The following ANTXR2 variants were observed in gnomAD, a reference collection of about 807,000 sequenced individuals.
ANTXR2 encodes the protein anthrax toxin receptor 2.
Under a neutral mutation model 73.7 loss-of-function variants are expected in ANTXR2, and 44 were observed. The observed-to-expected ratio is 0.60, with a 90% CI of 0.47 to 0.77. The LOEUF is 0.77. ANTXR2 is among the 30% of genes least tolerant of loss of function. The pLI, the probability that ANTXR2 is intolerant of heterozygous loss-of-function variation, is 0.00. For missense variants in ANTXR2, 604 were observed against 592.5 expected (o/e 1.02, Z -0.20); for synonymous variants, 217 against 205.9 (o/e 1.05, Z -0.46).
chr4:79,962,487 T>C (rs111463033), intron 16 of ANTXR2, among the ~76,000 whole-genome samples: 3 of 152,186 alleles, frequency 2.0e-5, no homozygotes, highest in Non-Finnish European at 4.4e-5. Context: ...AAAGATAATA[T>C]AAAGAGCGGA....
At chr4:80,041,380 T>A (rs1002462955) in intron 7 of ANTXR2, among the ~76,000 whole-genome samples, 11 of 152,220 alleles carry the variant, frequency 7.2e-5, no homozygotes, top group Non-Finnish European at 1.3e-4. Context: ...AAATCTGGCT[T>A]ATTCCTTATC....
chr4:80,036,012 A>G lies in ANTXR2; in HGVS notation c.657T>C (p.Thr219=). Residue 219 remains threonine, a synonymous_variant, in exon 8 of 17, where the codon ACT becomes ACC. Transcript: ENST00000403729. ...IINSILAQSC[T]EILELQPSSV... The stretch of plus-strand genomic sequence containing the variant: ...TTGAGGGCTGCAATTCTAGGATTTC[A>G]GTACATGACTGAGCTAGTATCTAAA... 11 of 1,530,058 alleles carry G rather than the reference A, an allele frequency of 7.2e-6. No homozygotes were observed. The highest frequency in any genetic ancestry group is 9.6e-6 in the Non-Finnish European group (11 of 1,141,508). 94.8% of individuals were successfully genotyped at this position (1,530,058 alleles called of 1,614,324 possible).
intron 10 of ANTXR2, among the ~76,000 whole-genome samples, chr4:80,025,441 G>A (rs558709370): frequency 2.0e-5 from 3 of 152,076 alleles, no homozygotes; most frequent in Non-Finnish European, 4.4e-5. Context: ...ATAAAAGATT[G>A]TCATTTTATG....
intron 12 of ANTXR2, among the ~76,000 whole-genome samples, chr4:80,000,775 T>C (rs1730990889): frequency 6.6e-6 from 1 of 152,098 alleles, no homozygotes; most frequent in Non-Finnish European, 1.5e-5. Context: ...CAGGTAAACG[T>C]CATAGTTTCA....
intron 16 of ANTXR2, chr4:79,964,938 A>G (rs1375543384): frequency 6.6e-6 from 1 of 152,212 alleles, no homozygotes; most frequent in East Asian, 1.9e-4. Context: ...ACCTCTGCGG[A>G]AGCTGGCGCG....
chr4:80,016,899 C>T (rs1176128183), intron 11 of ANTXR2, among the ~76,000 whole-genome samples: 1 of 152,256 alleles, frequency 6.6e-6, no homozygotes, highest in African/African-American at 2.4e-5. Context: ...CTCACCATCT[C>T]CAATTTGATC....
At chr4:80,008,227 T>C (rs1333296315) in intron 12 of ANTXR2, among the ~76,000 whole-genome samples, 2 of 152,204 alleles carry the variant, frequency 1.3e-5, no homozygotes, top group African/African-American at 4.8e-5. Context: ...TTCAATTTAC[T>C]TGAATTTCTC....
chr4:79,926,363 C>G (rs1349244834), intron 16 of ANTXR2, among the ~76,000 whole-genome samples: 2 of 152,066 alleles, frequency 1.3e-5, no homozygotes, highest in African/African-American at 4.8e-5. Flanking sequence ...TGTCAGAAGG[C>G]TCTAGCTCTA....
intron 16 of ANTXR2, among the ~76,000 whole-genome samples, chr4:79,913,589 T>G (rs1036478721): frequency 6.6e-6 from 1 of 152,212 alleles, no homozygotes; most frequent in South Asian, 2.1e-4. Flanking sequence ...AATTTCTCTA[T>G]GCAATTAACA....
chr4:79,991,713 A>G (rs866643922), intron 12 of ANTXR2, among the ~76,000 whole-genome samples: 6 of 152,126 alleles, frequency 3.9e-5, no homozygotes, highest in Non-Finnish European at 7.4e-5. Context: ...ATGCCCATCA[A>G]TGATGGACTG....
chr4:79,912,153 A>T (rs1308150788), intron 16 of ANTXR2, among the ~76,000 whole-genome samples: 1 of 151,928 alleles, frequency 6.6e-6, no homozygotes, highest in African/African-American at 2.4e-5. Flanking sequence ...AATTTATTAA[A>T]TATTTATAAA....
rs1016241695 is a variant in ANTXR2, at chr4:79,994,204, T to A, written c.1042-9341A>T. Among the ~76,000 whole-genome samples, 36 of 152,018 alleles carry A rather than the reference T, an allele frequency of 2.4e-4. 1 individual carries two copies. Among genetic ancestry groups the A allele is most frequent in the Admixed American group, 2.4e-3 (36 of 15,224 alleles). On this transcript the variant is annotated intron_variant, in intron 12 of 16. Transcript: ENST00000403729. ...ATTAGACATCTAACTTATTTCTCTA[T>A]CTCCAATTGATTCCCCATTTTAACC...
At chr4:80,041,390 C>A (rs1733240686) in intron 7 of ANTXR2, among the ~76,000 whole-genome samples, 1 of 152,032 alleles carries the variant, frequency 6.6e-6, no homozygotes, top group South Asian at 2.1e-4. Context: ...TATTCCTTAT[C>A]CTCGAAAGTA....
At chr4:79,944,615 G>A (rs1256432528) in intron 16 of ANTXR2, among the ~76,000 whole-genome samples, 1 of 151,990 alleles carries the variant, frequency 6.6e-6, no homozygotes, top group Non-Finnish European at 1.5e-5. Context: ...CCTATACTAT[G>A]CTTGTCACAA....
intron 7 of ANTXR2, 31 bp downstream of exon 7, chr4:80,054,241 G>C (rs767450067): frequency 1.3e-6 from 2 of 1,516,214 alleles, no homozygotes; most frequent in South Asian, 2.4e-5. Flanking sequence ...ACAAGGTTAT[G>C]AGCCCTTCCT....
chr4:80,028,660 G>C (rs12509837), intron 10 of ANTXR2, among the ~76,000 whole-genome samples: 57,772 of 151,978 alleles, frequency 0.38, 12,557 homozygotes, highest in Non-Finnish European at 0.47. Flanking sequence ...TCATTGTTGG[G>C]CCAGATGTGT....
chr4:79,922,654 T>G (rs1727635914), intron 16 of ANTXR2, among the ~76,000 whole-genome samples: 1 of 152,110 alleles, frequency 6.6e-6, no homozygotes, highest in Non-Finnish European at 1.5e-5. Flanking sequence ...GTTTGCTTCT[T>G]GATCCAGAGA....
chr4:79,990,383 CAA>C (rs70944757), intron 12 of ANTXR2, among the ~76,000 whole-genome samples: 4 of 76,926 alleles, frequency 5.2e-5, no homozygotes, highest in African/African-American at 1.9e-4. Context: ...ACAACAGTTA[CAA>C]AAAAAAAAAA....
intron 8 of ANTXR2, among the ~76,000 whole-genome samples, chr4:80,035,559 T>C (rs1732913755): frequency 1.3e-5 from 2 of 152,134 alleles, no homozygotes; most frequent in African/African-American, 2.4e-5. Flanking sequence ...AATCCGTCCA[T>C]AAGTCACTTC....
Sources: allele counts gnomAD v4.1 joint callset (sites outside exome capture counted in the v4.1 genomes callset), GRCh38; gene constraint gnomAD v4.1.1; transcripts MANE v1.5; gene names NCBI Gene and HGNC (gene_info 2026-07-23, HGNC 2026-07-21).